Variants in SLC4A10 observed in about 807,000 individuals in gnomAD.
SLC4A10 encodes sodium-driven chloride bicarbonate exchanger.
Under a neutral mutation model 137.7 loss-of-function variants are expected in SLC4A10, and 42 were observed. That is an observed-to-expected ratio of 0.30 (90% CI 0.24 to 0.39). The LOEUF is 0.39. Ranked by LOEUF, SLC4A10 falls within the 10% of genes least tolerant of loss-of-function variation. The probability of loss-of-function intolerance (pLI) is 1.00; values close to 1 mark genes in which losing one functional copy is unlikely to be tolerated. For synonymous variants in SLC4A10, 474 were observed against 464.1 expected, an observed-to-expected ratio of 1.02 and a Z score of -0.27; for missense variants, 925 against 1,355.0, an observed-to-expected ratio of 0.68 and a Z score of 4.98.
chr2:161,929,270 C>T (rs1470801834), intron 15 of SLC4A10, among the ~76,000 whole-genome samples: 1 of 152,160 alleles, frequency 6.6e-6, no homozygotes, highest in Non-Finnish European at 1.5e-5. Context: ...GATAGCACTA[C>T]TGTGCAATGG....
chr2:161,684,331 C>T (rs1206979158), intron 1 of SLC4A10, among the ~76,000 whole-genome samples: 5 of 152,100 alleles, frequency 3.3e-5, no homozygotes, highest in African/African-American at 1.2e-4. Flanking sequence ...ATTATTATGA[C>T]CATTTTTCTG....
chr2:161,949,662 A>T (rs1396212955), intron 18 of SLC4A10, among the ~76,000 whole-genome samples: 1 of 152,062 alleles, frequency 6.6e-6, no homozygotes, highest in Non-Finnish European at 1.5e-5. Flanking sequence ...AATGGGGTAC[A>T]GTTTGAATAT....
chr2:161,974,852 A>G (rs1408507530), intron 24 of SLC4A10, among the ~76,000 whole-genome samples: 1 of 152,198 alleles, frequency 6.6e-6, no homozygotes, highest in Non-Finnish European at 1.5e-5. Flanking sequence ...TACTGAAGTT[A>G]TAAAGAAAAC....
intron 2 of SLC4A10, among the ~76,000 whole-genome samples, chr2:161,803,404 A>C (rs1018203365): frequency 6.6e-6 from 1 of 152,032 alleles, no homozygotes; most frequent in Non-Finnish European, 1.5e-5. Context: ...ATTAGGGTTC[A>C]CTCTGTGTTA....
intron 1 of SLC4A10, among the ~76,000 whole-genome samples, chr2:161,735,894 G>T (rs1302046785): frequency 1.3e-5 from 2 of 152,102 alleles, no homozygotes; most frequent in Non-Finnish European, 2.9e-5. Context: ...AGAAGTAGTA[G>T]TTTCATGACT....
In SLC4A10 at chr2:161,627,725, A is replaced by G. The variant is rs551602691; in HGVS notation, c.48+3159A>G. Reference sequence around the variant, plus strand: ...GTAGACTCTAATCACTCCAAGGGTTAGGGCGTTCACTCTTGTTGGCTAAGT... The same window carrying G: ...GTAGACTCTAATCACTCCAAGGGTTGGGGCGTTCACTCTTGTTGGCTAAGT... On this transcript the variant is annotated intron_variant, in intron 1 of 26. Transcript: ENST00000446997. Among the ~76,000 whole-genome samples the G allele has an allele frequency of 2.0e-5, 3 of 152,228 alleles. No individual in the cohort carries two copies. In the East Asian group the frequency reaches 5.8e-4, roughly 29 times the overall value.
intron 23 of SLC4A10, among the ~76,000 whole-genome samples, chr2:161,972,333 T>A (rs1698682856): frequency 1.3e-5 from 2 of 152,176 alleles, no homozygotes; most frequent in Non-Finnish European, 2.9e-5. Context: ...ACATATGCTC[T>A]GCCCCTGACC....
At chr2:161,692,364 G>A (rs1385922191) in intron 1 of SLC4A10, among the ~76,000 whole-genome samples, 1 of 151,992 alleles carries the variant, frequency 6.6e-6, no homozygotes, top group African/African-American at 2.4e-5. Context: ...GGATTGTTGA[G>A]CATACTTGAT....
intron 1 of SLC4A10, among the ~76,000 whole-genome samples, chr2:161,659,877 A>G (rs2038062762): frequency 6.6e-6 from 1 of 152,202 alleles, no homozygotes; most frequent in South Asian, 2.1e-4. Context: ...ATAAAACATT[A>G]TGTTAAGTGA....
At chr2:161,833,044 CG>C (rs1204331351) in intron 3 of SLC4A10, among the ~76,000 whole-genome samples, 1 of 152,206 alleles carries the variant, frequency 6.6e-6, no homozygotes, top group African/African-American at 2.4e-5. Context: ...CGCGCCCGGC[CG>C]CATTTTCTTT....
chr2:161,795,240 GA>G (rs2054641411), intron 2 of SLC4A10, among the ~76,000 whole-genome samples: 2 of 152,072 alleles, frequency 1.3e-5, no homozygotes. Context: ...TAGTGCTGTA[GA>G]AAAGGCTTTA....
intron 23 of SLC4A10, among the ~76,000 whole-genome samples, chr2:161,971,490 G>A (rs980973041): frequency 2.0e-5 from 3 of 152,070 alleles, no homozygotes; most frequent in Non-Finnish European, 4.4e-5. Flanking sequence ...GCTTTTAATG[G>A]GTCCTATGTA....
At chr2:161,769,049 C>T (rs539419172) in intron 1 of SLC4A10, among the ~76,000 whole-genome samples, 2 of 152,056 alleles carry the variant, frequency 1.3e-5, no homozygotes, top group African/African-American at 2.4e-5. Context: ...TTTCCTAAGC[C>T]TTTATATACT....
intron 21 of SLC4A10, among the ~76,000 whole-genome samples, chr2:161,962,530 A>G (rs900503778): frequency 1.3e-5 from 2 of 152,218 alleles, no homozygotes; most frequent in Non-Finnish European, 2.9e-5. Context: ...AAGTTTAAAT[A>G]ATATTTAGGA....
chr2:161,766,053 A>G (rs1471674633), intron 1 of SLC4A10, among the ~76,000 whole-genome samples: 1 of 152,168 alleles, frequency 6.6e-6, no homozygotes, highest in Admixed American at 6.6e-5. Flanking sequence ...TGCCTAAAAG[A>G]GTATACATTG....
intron 23 of SLC4A10, among the ~76,000 whole-genome samples, chr2:161,966,717 C>T (rs2105924170): frequency 7.0e-6 from 1 of 142,284 alleles, no homozygotes; most frequent in East Asian, 2.1e-4. Context: ...AGCCTGGTGA[C>T]AGAGCGAGAC....
intron 12 of SLC4A10, chr2:161,902,130 T>C (rs773886827): frequency 6.6e-6 from 3 of 456,312 alleles, no homozygotes; most frequent in South Asian, 4.7e-5. Context: ...CTGGAGTTGC[T>C]GGTGTACATC....
At position 161,757,467 on chromosome 2, in the gene SLC4A10, A is replaced by G. The variant is rs1376546483; in HGVS notation, c.49-13506A>G. ...GTATGTTTATTTCACTAACACTAAT[A>G]TAGAACTCCCAGATAGCATTATAAC... On this transcript the variant is annotated intron_variant, in intron 1 of 26. Transcript: ENST00000446997. Among the ~76,000 whole-genome samples the G allele has an allele frequency of 2.0e-5, 3 of 152,202 alleles. No individual in the cohort carries two copies. In the East Asian group the frequency reaches 5.8e-4, roughly 29 times the overall value.
chr2:161,903,886 G>A, intron 12 of SLC4A10, 118 bp from the exon 13 acceptor site: 2 of 992,188 alleles, frequency 2.0e-6, no homozygotes, highest in Non-Finnish European at 2.9e-6. Flanking sequence ...GTTAATGTGT[G>A]TCTCACCTCT....
Sources: gnomAD v4.1 joint callset for allele counts (sites outside exome capture counted in the v4.1 genomes callset) on GRCh38, gnomAD v4.1.1 for gene constraint, MANE v1.5 for transcripts, NCBI Gene and HGNC (gene_info 2026-07-23, HGNC 2026-07-21) for gene names.